The following ARHGEF17 variants were observed in gnomAD, a reference collection of about 807,000 sequenced individuals.
ARHGEF17 encodes the protein Rho guanine nucleotide exchange factor 17, also known as 164 kDa Rho-specific guanine-nucleotide exchange factor.
ARHGEF17 carries 80 observed loss-of-function variants against 174.0 expected under a neutral mutation model. The observed-to-expected ratio is 0.46, with a 90% confidence interval of 0.38 to 0.55. ARHGEF17 has a LOEUF of 0.55. ARHGEF17 is among the 20% of genes least tolerant of loss of function. The probability of loss-of-function intolerance (pLI) is 0.00; values close to 1 mark genes in which losing one functional copy is unlikely to be tolerated. For synonymous variants in ARHGEF17, 1,311 were observed against 1,189.1 expected (o/e 1.10, Z -2.11); for missense variants, 2,886 against 2,839.7 (o/e 1.02, Z -0.37).
intron 1 of ARHGEF17, among the ~76,000 whole-genome samples, chr11:73,341,901 C>T (rs1282885116): frequency 1.3e-5 from 2 of 152,166 alleles, no homozygotes; most frequent in Non-Finnish European, 1.5e-5. Context: ...ATGAAGTTGG[C>T]CAGGGCTGAG....
intron 16 of ARHGEF17, 48 bp from the exon 17 acceptor site, chr11:73,364,124 A>G: frequency 1.9e-6 from 3 of 1,600,192 alleles, no homozygotes; most frequent in Non-Finnish European, 2.6e-6. Flanking sequence ...TGGGTGACCC[A>G]CTTTGGCTGC....
chr11:73,362,716 A>G lies in ARHGEF17; in HGVS notation c.4978A>G (p.Ile1660Val), dbSNP rs200777401. The part of the protein sequence containing the change: ...TLQSQASRST[I>V]SSSFGNEETP... The stretch of plus-strand genomic sequence containing the variant: ...GCAGAGCCAGGCCAGCCGGTCCACC[A>G]TCTCCTCCAGCTTTGGCAGTGAGCT... The change falls in exon 14 of 21, where the codon ATC becomes GTC. Residue 1660 changes from isoleucine (I) to valine (V), a missense_variant. Coordinates refer to ENST00000263674, the MANE Select transcript of ARHGEF17 (RefSeq NM_014786.4). 6 of 1,604,382 alleles carry G rather than the reference A, an allele frequency of 3.7e-6. No homozygotes were observed. Among genetic ancestry groups the G allele is most frequent in the Non-Finnish European group, 5.1e-6 (6 of 1,176,912 alleles).
chr11:73,308,770 C>A lies in ARHGEF17; in HGVS notation c.132C>A (p.Cys44Ter). ...CCGGCTTGAGGCGACGCGCCTCGTG[C>A]CGGCCGACCACGGCTGCCCGGGGCC... is the stretch of plus-strand genomic sequence containing the variant. ...DTPGLRRRAS[C>*]RPTTAARGQP... Residue 44 changes from cysteine (C) to a stop codon, truncating the protein, a stop_gained, in exon 1 of 21, where the codon TGC becomes TGA. Transcript: ENST00000263674. LOFTEE classifies it high-confidence loss of function. The A allele has an allele frequency of 6.9e-7, 1 of 1,447,706 alleles. No homozygotes were observed. The highest frequency in any genetic ancestry group is 3.0e-5 in the East Asian group (1 of 33,174). The allele number at this position is 1,447,706 out of a possible 1,614,324, so 89.7% of individuals were successfully genotyped here.
Position 73,311,198 on chromosome 11 carries a change from G to A in ARHGEF17, c.2560G>A (p.Glu854Lys). 1 of 1,599,168 alleles carries A rather than the reference G, an allele frequency of 6.3e-7. No individual in the cohort carries two copies. The highest frequency in any genetic ancestry group is 8.5e-7 in the Non-Finnish European group (1 of 1,170,108). The change falls in exon 1 of 21, where the codon GAG becomes AAG. Residue 854 changes from glutamate (E) to lysine (K), a missense_variant. Transcript: ENST00000263674. ...TGGAGGGGAGCCCATCCGAGAAGTT[G>A]AGCCCATGCTGCCTCCATCCAGCAG... is the stretch of plus-strand genomic sequence containing the variant. ...GPGGEPIREVEPMLPPSSSEP... is the reference protein window; with the variant it reads ...GPGGEPIREVKPMLPPSSSEP...
intron 12 of ARHGEF17, among the ~76,000 whole-genome samples, 193 bp downstream of exon 12, chr11:73,361,354 G>T (rs529810489): frequency 3.3e-5 from 5 of 152,158 alleles, no homozygotes; most frequent in African/African-American, 9.7e-5. Context: ...GGTATGCTTC[G>T]TGCATATCTG....
chr11:73,311,297 A>G lies in ARHGEF17; in HGVS notation c.2659A>G (p.Arg887Gly). Residue 887 changes from arginine to glycine, a missense_variant, in exon 1 of 21, where the codon AGG becomes GGG. Physicochemically the swap from Arg to Gly is moderately radical, Grantham distance 125. This residue lies in a region of ARHGEF17 where 1,728 missense variants were observed against 1,461.2 expected (regional missense o/e 1.18). Transcript: ENST00000263674. ...GATRSRAQSE[R>G]ALPEALPPPA... The stretch of plus-strand genomic sequence containing the variant: ...CACCAGGAGCCGGGCACAGTCTGAA[A>G]GGGCCCTACCTGAGGCTCTGCCTCC... 1 of 1,613,182 alleles carries G rather than the reference A, an allele frequency of 6.2e-7. No individual in the cohort carries two copies. The highest frequency in any genetic ancestry group is 8.5e-7 in the Non-Finnish European group (1 of 1,180,020).
Position 73,362,025 on chromosome 11 carries a change from T to G in ARHGEF17, c.4495-15T>G. ...CCTCCATTCACCTTCTCCTGTCCAT[T>G]GGCGCCTCCTGCAGTTCTCCTGTGC... On this transcript the variant is annotated splice_polypyrimidine_tract_variant and intron_variant, in intron 12 of 20. Transcript: ENST00000263674. 1 of 1,607,566 alleles carries G rather than the reference T, an allele frequency of 6.2e-7. No individual in the cohort carries two copies. Among genetic ancestry groups the G allele is most frequent in the Non-Finnish European group, 8.5e-7 (1 of 1,175,900 alleles).
chr11:73,359,803 A>G (rs1282347638), intron 9 of ARHGEF17, 31 bp from the exon 10 acceptor site: 1 of 1,527,080 alleles, frequency 6.5e-7, no homozygotes, highest in South Asian at 1.3e-5. Flanking sequence ...CTGTCTCTGT[A>G]TCAGTCCACG....
intron 1 of ARHGEF17, among the ~76,000 whole-genome samples, chr11:73,337,097 G>A (rs568689238): frequency 6.6e-6 from 1 of 152,322 alleles, no homozygotes; most frequent in Non-Finnish European, 1.5e-5. Flanking sequence ...CCTGGACCTC[G>A]TCTTTCTGTG....
In ARHGEF17 at chr11:73,325,326, G is replaced by T. The variant is rs373952829; in HGVS notation, c.3192+13496G>T. Among the ~76,000 whole-genome samples, 60 of 152,230 alleles carry T rather than the reference G, an allele frequency of 3.9e-4. No homozygotes were observed. In the East Asian group the frequency reaches 5.6e-3, roughly 14 times the overall value. On this transcript the variant is annotated intron_variant, in intron 1 of 20. Coordinates refer to ENST00000263674, the MANE Select transcript of ARHGEF17 (RefSeq NM_014786.4). Reference sequence around the variant, plus strand: ...CAGTCATCAGGTCGCTTCCTGTGTGGCCAGGCCTGGGCTGTGGGTGCTGGG... The same window carrying T: ...CAGTCATCAGGTCGCTTCCTGTGTGTCCAGGCCTGGGCTGTGGGTGCTGGG...
intron 1 of ARHGEF17, among the ~76,000 whole-genome samples, chr11:73,330,797 A>G (rs1865191945): frequency 6.6e-6 from 1 of 152,180 alleles, no homozygotes; most frequent in Non-Finnish European, 1.5e-5. Context: ...CTGTGGAGCT[A>G]GCGCCCACTC....
chr11:73,362,726 G>T lies in ARHGEF17; in HGVS notation c.4988G>T (p.Ser1663Ile). The change falls in exon 14 of 21, where the codon AGC becomes ATC. Residue 1663 changes from serine (S) to isoleucine (I), a missense_variant. Transcript: ENST00000263674. ...SQASRSTISS[S>I]FGNEETPSSK... ...GCCAGCCGGTCCACCATCTCCTCCA[G>T]CTTTGGCAGTGAGCTTTGGCCATCT... is the stretch of plus-strand genomic sequence containing the variant. 1 of 1,601,938 alleles carries T rather than the reference G, an allele frequency of 6.2e-7. No individual in the cohort carries two copies.
chr11:73,365,754 G>A lies in ARHGEF17; in HGVS notation c.5802G>A (p.Leu1934=). 6.2e-7 allele frequency: 1 copy of A among 1,613,732 alleles called. No homozygotes were observed. Residue 1934 remains leucine, a synonymous_variant, in exon 20 of 21, where the codon CTG becomes CTA. Coordinates refer to ENST00000263674, the MANE Select transcript of ARHGEF17 (RefSeq NM_014786.4). This position sits in a 1 kb window ranked among gnomAD's most constrained non-coding sequence, Gnocchi z 4.9. ...ITALLVCEEL[L]WVGTSAGVVL... ...CGCTGCTGGTGTGTGAGGAGCTGCT[G>A]TGGGTGGGCACCAGTGCTGGTGTCG...
chr11:73,362,345 CGA>C, intron 13 of ARHGEF17, 86 bp from the exon 14 acceptor site: 1 of 1,445,014 alleles, frequency 6.9e-7, no homozygotes, highest in Non-Finnish European at 9.1e-7. Flanking sequence ...CGGGGCCCGG[CGA>C]GTGTGGGCGG....
At chr11:73,323,342 A>G (rs915511864) in intron 1 of ARHGEF17, among the ~76,000 whole-genome samples, 7 of 152,200 alleles carry the variant, frequency 4.6e-5, no homozygotes, top group Admixed American at 3.9e-4. Context: ...GAGCTCTAGA[A>G]TATGCAGGCT....
At chr11:73,366,113 G>C (rs771429669) in intron 20 of ARHGEF17, among the ~76,000 whole-genome samples, 166 bp downstream of exon 20, 2 of 151,190 alleles carry the variant, frequency 1.3e-5, no homozygotes, top group African/African-American at 2.4e-5. Flanking sequence ...ATGAAATCTA[G>C]GATAGTTGTG....
chr11:73,328,514 C>T (rs954637049), intron 1 of ARHGEF17, among the ~76,000 whole-genome samples: 6 of 152,152 alleles, frequency 3.9e-5, no homozygotes, highest in Non-Finnish European at 7.3e-5. Context: ...GCCCTGAGGT[C>T]GCTCTACCCA....
At chr11:73,340,914 G>A (rs904922286) in intron 1 of ARHGEF17, among the ~76,000 whole-genome samples, 1 of 152,198 alleles carries the variant, frequency 6.6e-6, no homozygotes, top group African/African-American at 2.4e-5. Flanking sequence ...CCATCCGCAG[G>A]GAAGCCCACA....
At position 73,364,533 on chromosome 11, in the gene ARHGEF17, G is replaced by C; in HGVS notation, c.5483G>C (p.Gly1828Ala). 6.2e-7 allele frequency: 1 copy of C among 1,613,836 alleles called. No homozygotes were observed. The highest frequency in any genetic ancestry group is 8.5e-7 in the Non-Finnish European group (1 of 1,179,960). ...GSPITKMVSV[G>A]GRLWCGCQNR... ...CCCATCACCAAGATGGTATCTGTGG[G>C]TGGGCGGCTGTGGTGTGGCTGCCAG... Residue 1828 changes from glycine (G) to alanine (A), a missense_variant, in exon 18 of 21, where the codon GGT (glycine) becomes GCT (alanine). Physicochemically the swap from Gly to Ala is moderately conservative, Grantham distance 60. Coordinates refer to ENST00000263674, the MANE Select transcript of ARHGEF17 (RefSeq NM_014786.4).
Sources: allele counts gnomAD v4.1 joint callset (sites outside exome capture counted in the v4.1 genomes callset), GRCh38; gene constraint gnomAD v4.1.1; regional missense constraint gnomAD v4.1.1; non-coding constraint Gnocchi (gnomAD v3.1); transcripts MANE v1.5; gene names NCBI Gene and HGNC (gene_info 2026-07-23, HGNC 2026-07-21).